OXR1: variants seen among roughly 807,000 people sequenced by gnomAD.
OXR1 encodes oxidation resistance 1.
OXR1 carries 41 observed loss-of-function variants against 104.6 expected under a neutral mutation model. The observed-to-expected ratio is 0.39, with a 90% confidence interval of 0.31 to 0.51. The LOEUF (loss-of-function observed/expected upper bound fraction) is 0.51. Among genes scored for constraint, OXR1 ranks in the 20% least tolerant of loss-of-function variants. OXR1 has a pLI of 0.77. For missense variants in OXR1, 955 were observed against 1,031.9 expected (o/e 0.93, Z 1.02); for synonymous variants, 348 against 348.4 (o/e 1.00, Z 0.01).
chr8:106,741,376 T>G (rs543460406), intron 14 of OXR1, among the ~76,000 whole-genome samples: 1 of 152,256 alleles, frequency 6.6e-6, no homozygotes, highest in East Asian at 1.9e-4. Flanking sequence ...TTGAGACTAT[T>G]GATGAGAGGA....
At chr8:106,327,404 C>T (rs1814515186) in intron 1 of OXR1, among the ~76,000 whole-genome samples, 1 of 152,140 alleles carries the variant, frequency 6.6e-6, no homozygotes. Context: ...TTAATTCTAG[C>T]ATTATCTATT....
chr8:106,368,877 T>C (rs1816595744), intron 2 of OXR1, among the ~76,000 whole-genome samples: 1 of 152,224 alleles, frequency 6.6e-6, no homozygotes, highest in Non-Finnish European at 1.5e-5. Flanking sequence ...TGCATGTGTC[T>C]TTAGAGTATA....
At chr8:106,576,205 A>G (rs984372542) in intron 3 of OXR1, among the ~76,000 whole-genome samples, 7 of 152,042 alleles carry the variant, frequency 4.6e-5, no homozygotes, top group Non-Finnish European at 1.0e-4. Context: ...AACTTTGCAG[A>G]TAGAATTTAA....
chr8:106,390,580 G>A (rs893288708), intron 2 of OXR1, among the ~76,000 whole-genome samples: 1 of 152,066 alleles, frequency 6.6e-6, no homozygotes, highest in Admixed American at 6.6e-5. Context: ...TTCAAACCCA[G>A]GCAACTTGGC....
chr8:106,673,640 C>G (rs1339285460), intron 3 of OXR1, among the ~76,000 whole-genome samples: 1 of 152,124 alleles, frequency 6.6e-6, no homozygotes, highest in East Asian at 1.9e-4. Context: ...CAGGGCATGT[C>G]AGAGACCTTC....
intron 2 of OXR1, among the ~76,000 whole-genome samples, chr8:106,479,845 T>G (rs1200790680): frequency 6.6e-6 from 1 of 152,022 alleles, no homozygotes; most frequent in Non-Finnish European, 1.5e-5. Flanking sequence ...GACTTTATAA[T>G]TTACTCTCCA....
chr8:106,491,995 G>C (rs1811120010), intron 2 of OXR1, among the ~76,000 whole-genome samples: 1 of 152,100 alleles, frequency 6.6e-6, no homozygotes, highest in Non-Finnish European at 1.5e-5. Flanking sequence ...CAAACTTTCT[G>C]GGTTTATCCT....
At chr8:106,587,259 G>C (rs976524136) in intron 3 of OXR1, among the ~76,000 whole-genome samples, 7 of 152,070 alleles carry the variant, frequency 4.6e-5, no homozygotes, top group Admixed American at 1.3e-4. Context: ...TTGAGTCTGT[G>C]GAAGTTCTCT....
At chr8:106,714,163 A>G (rs1005533391) in intron 11 of OXR1, among the ~76,000 whole-genome samples, 178 bp downstream of exon 11, 4 of 151,968 alleles carry the variant, frequency 2.6e-5, no homozygotes, top group African/African-American at 9.7e-5. Flanking sequence ...CTTTAATACT[A>G]TATTTGTCAT....
At position 106,682,563 on chromosome 8, in the gene OXR1, C is replaced by T. The variant is rs1007012839; in HGVS notation, c.304-636C>T. 8.4e-5 allele frequency: 13 copies of T among 154,278 alleles called. No individual in the cohort carries two copies. The Middle Eastern group carries it at 2.1e-3, about 24-fold the overall frequency. The allele number at this position is 154,278 out of a possible 1,614,324, so 9.6% of individuals were successfully genotyped here. A position where few individuals can be genotyped will look rare whatever the true frequency, so the allele number is the denominator to read the frequency against. ...GATTACAGGTGTGAGCCACCGTGCC[C>T]GGCCTTCTTTAGAGCGCTCTTAATG... On this transcript the variant is annotated intron_variant, in intron 4 of 16. Transcript: ENST00000517566.
intron 3 of OXR1, among the ~76,000 whole-genome samples, chr8:106,668,743 T>C (rs368115637): frequency 3.9e-5 from 6 of 152,194 alleles, no homozygotes; most frequent in Non-Finnish European, 7.4e-5. Flanking sequence ...GAAACCATTA[T>C]ATTAGTTTGA....
chr8:106,539,415 G>C (rs994238319), intron 3 of OXR1, among the ~76,000 whole-genome samples: 2 of 152,130 alleles, frequency 1.3e-5, no homozygotes, highest in African/African-American at 2.4e-5. Flanking sequence ...GTGTGTGTCT[G>C]TGTTCTTCAG....
At chr8:106,411,228 G>A (rs543742407) in intron 2 of OXR1, among the ~76,000 whole-genome samples, 18 of 152,280 alleles carry the variant, frequency 1.2e-4, no homozygotes, top group African/African-American at 4.3e-4. Flanking sequence ...TCTAGTTTGG[G>A]AAAGTCCTGG....
At chr8:106,688,331 T>C (rs1828945159) in intron 6 of OXR1, among the ~76,000 whole-genome samples, 1 of 152,082 alleles carries the variant, frequency 6.6e-6, no homozygotes, top group Non-Finnish European at 1.5e-5. Context: ...TAAAACATGG[T>C]ATAATACTCT....
intron 2 of OXR1, among the ~76,000 whole-genome samples, chr8:106,419,915 G>A (rs549615703): frequency 7.9e-5 from 12 of 152,140 alleles, no homozygotes; most frequent in African/African-American, 1.4e-4. Flanking sequence ...ATGCATACAC[G>A]TTATTTTAAC....
chr8:106,663,512 T>C (rs1049293231), intron 3 of OXR1, among the ~76,000 whole-genome samples: 2 of 152,152 alleles, frequency 1.3e-5, no homozygotes, highest in African/African-American at 4.8e-5. Flanking sequence ...AGGTTGGAAA[T>C]TGCCACCTCA....
At chr8:106,328,581 G>A (rs935719989) in intron 1 of OXR1, among the ~76,000 whole-genome samples, 8 of 152,216 alleles carry the variant, frequency 5.3e-5, no homozygotes, top group African/African-American at 1.4e-4. Flanking sequence ...CTGGAAGCTG[G>A]TTGTTTGGGG....
At chr8:106,276,447 C>A (rs1445728402) in intron 1 of OXR1, among the ~76,000 whole-genome samples, 2 of 152,176 alleles carry the variant, frequency 1.3e-5, no homozygotes, top group East Asian at 3.8e-4. Context: ...AGATCAAGAG[C>A]TTTGCAGTCA....
At chr8:106,746,395 T>C (rs1471542744) in intron 16 of OXR1, among the ~76,000 whole-genome samples, 1 of 152,242 alleles carries the variant, frequency 6.6e-6, no homozygotes. Flanking sequence ...TGTTTTTTAT[T>C]TGGTATCCCA....
Sources: gnomAD v4.1 joint callset for allele counts (sites outside exome capture counted in the v4.1 genomes callset) on GRCh38, gnomAD v4.1.1 for gene constraint, MANE v1.5 for transcripts, NCBI Gene and HGNC (gene_info 2026-07-23, HGNC 2026-07-21) for gene names.